Variants in GRIP1 observed in about 807,000 individuals in gnomAD.
GRIP1 encodes glutamate receptor-interacting protein 1.
A neutral mutation model predicts 129.9 loss-of-function variants in GRIP1; 45 were observed. The observed-to-expected ratio is 0.35, with a 90% CI of 0.27 to 0.44. The LOEUF is 0.44. GRIP1 is among the 20% of genes least tolerant of loss of function. The pLI, the probability that GRIP1 is intolerant of heterozygous loss-of-function variation, is 1.00. For synonymous variants in GRIP1, 530 were observed against 520.8 expected (o/e 1.02, Z -0.24); for missense variants, 1,196 against 1,396.8 (o/e 0.86, Z 2.29).
intron 19 of GRIP1, among the ~76,000 whole-genome samples, chr12:66,387,334 T>C (rs1034285994): frequency 2.0e-5 from 3 of 152,208 alleles, no homozygotes; most frequent in African/African-American, 7.2e-5. Context: ...CAGAGAGGAA[T>C]TCTGTTTTGT....
intron 11 of GRIP1, among the ~76,000 whole-genome samples, chr12:66,450,329 A>G (rs865799620): frequency 8.0e-5 from 12 of 149,124 alleles, no homozygotes; most frequent in Admixed American, 2.7e-4. Context: ...AAAAAAAAAA[A>G]AAAAGAAAGA....
At chr12:66,877,579 A>G (rs1384371543) in intron 1 of GRIP1, among the ~76,000 whole-genome samples, 1 of 152,126 alleles carries the variant, frequency 6.6e-6, no homozygotes, top group Admixed American at 6.6e-5. Flanking sequence ...AAAGTTAATT[A>G]CACATTACCT....
At chr12:66,471,928 T>G (rs2059450723) in intron 7 of GRIP1, among the ~76,000 whole-genome samples, 1 of 152,234 alleles carries the variant, frequency 6.6e-6, no homozygotes, top group South Asian at 2.1e-4. Flanking sequence ...TGAATATCTC[T>G]TGGGATCTTT....
At chr12:66,724,276 T>C (rs1290042490) in intron 1 of GRIP1, among the ~76,000 whole-genome samples, 1 of 152,156 alleles carries the variant, frequency 6.6e-6, no homozygotes, top group African/African-American at 2.4e-5. Flanking sequence ...TGAGATACTT[T>C]CATGAGACAG....
At chr12:66,898,100 A>G (rs866595337) in intron 1 of GRIP1, among the ~76,000 whole-genome samples, 1 of 152,176 alleles carries the variant, frequency 6.6e-6, no homozygotes, top group Non-Finnish European at 1.5e-5. Context: ...ATTCCCCAAA[A>G]AATCTACAAA....
intron 15 of GRIP1, chr12:66,407,560 G>C (rs1230818987): frequency 6.6e-6 from 1 of 152,236 alleles, no homozygotes; most frequent in African/African-American, 2.4e-5. Context: ...CAGTGAGGGA[G>C]AGACTGCATT....
intron 1 of GRIP1, among the ~76,000 whole-genome samples, chr12:66,985,051 T>G (rs184893709): frequency 1.3e-5 from 2 of 152,300 alleles, no homozygotes; most frequent in African/African-American, 4.8e-5. Context: ...TGCTGCTAGG[T>G]AGGACCTTGG....
intron 23 of GRIP1, among the ~76,000 whole-genome samples, chr12:66,364,265 C>CAAAAAAAAAAAA (rs1159887365): frequency 9.8e-4 from 16 of 16,322 alleles, no homozygotes; most frequent in East Asian, 2.5e-3. Flanking sequence ...GACTCCATCT[C>CAAAAAAAAAAAA]AAAAAAAAAA....
chr12:66,589,654 A>C (rs1057302883), intron 2 of GRIP1, among the ~76,000 whole-genome samples: 61 of 152,314 alleles, frequency 4.0e-4, no homozygotes, highest in African/African-American at 1.4e-3. Flanking sequence ...AATTACAGAG[A>C]GTAAAGCCTA....
chr12:67,032,039 C>T (rs1293625821), intron 1 of GRIP1, among the ~76,000 whole-genome samples: 3 of 152,144 alleles, frequency 2.0e-5, no homozygotes, highest in African/African-American at 7.2e-5. Context: ...GTTAGGGATA[C>T]ACTTCAGACA....
At position 66,661,476 on chromosome 12, in the gene GRIP1, T is replaced by C. The variant is rs11176364; in HGVS notation, c.55+17374A>G. On this transcript the variant is annotated intron_variant, in intron 1 of 24. Coordinates refer to ENST00000359742, the MANE Select transcript of GRIP1 (RefSeq NM_001366722.1). ...GATTTTGGCAAAAAAAAAAAAAAGGTGGAGGGGAGATGGGAAAAAAAATAA... is the reference window on the plus strand; with the variant it reads ...GATTTTGGCAAAAAAAAAAAAAAGGCGGAGGGGAGATGGGAAAAAAAATAA... Among the ~76,000 whole-genome samples the C allele has an allele frequency of 3.2e-3, 152 of 46,820 alleles. 5 individuals carry two copies. The highest frequency in any genetic ancestry group is 8.7e-3 in the African/African-American group (132 of 15,248). 30.7% of individuals were successfully genotyped at this position (46,820 alleles called of 152,430 possible). A position where few individuals can be genotyped will look rare whatever the true frequency, so the allele number is the denominator to read the frequency against.
At chr12:66,552,106 T>A (rs980709926) in intron 2 of GRIP1, among the ~76,000 whole-genome samples, 15 of 152,314 alleles carry the variant, frequency 9.8e-5, no homozygotes, top group African/African-American at 3.4e-4. Context: ...ATTGCTGAGT[T>A]AGGTCGCTTA....
chr12:66,698,845 T>C (rs2035253765), intron 1 of GRIP1, among the ~76,000 whole-genome samples: 1 of 152,186 alleles, frequency 6.6e-6, no homozygotes, highest in African/African-American at 2.4e-5. Context: ...TAAAGCACAG[T>C]TTCTGGAGTA....
chr12:66,678,017 A>C (rs2034420240), intron 1 of GRIP1, among the ~76,000 whole-genome samples: 1 of 152,108 alleles, frequency 6.6e-6, no homozygotes, highest in Admixed American at 6.6e-5. Flanking sequence ...AATTTTCTCT[A>C]AGGAAGGTTC....
chr12:66,806,095 T>C (rs2038987344), upstream of GRIP1, among the ~76,000 whole-genome samples: 1 of 151,718 alleles, frequency 6.6e-6, no homozygotes, highest in Non-Finnish European at 1.5e-5. Context: ...TAGACCTGAA[T>C]AGTCACTAAA....
chr12:66,754,640 G>A (rs1395142186), intron 1 of GRIP1, among the ~76,000 whole-genome samples: 2 of 152,106 alleles, frequency 1.3e-5, no homozygotes, highest in South Asian at 2.1e-4. Flanking sequence ...CTAAACCACT[G>A]CCCTTTAACA....
chr12:66,526,634 C>A (rs2061250852), intron 5 of GRIP1, among the ~76,000 whole-genome samples: 1 of 151,940 alleles, frequency 6.6e-6, no homozygotes, highest in African/African-American at 2.4e-5. Context: ...GACTTCATGT[C>A]TAAAACACCA....
In GRIP1 at chr12:66,363,199, CCATATATATATATATATATA is replaced by C. The variant is rs2054903536; in HGVS notation, c.3012+8475_3012+8494del. 3.0e-3 allele frequency among the ~76,000 whole-genome samples: 106 copies of C among 35,340 alleles called. 4 individuals carry two copies. Among genetic ancestry groups the C allele is most frequent in the African/African-American group, 8.0e-3 (106 of 13,196 alleles). The allele number at this position is 35,340 out of a possible 152,430, so 23.2% of individuals were successfully genotyped here. On this transcript the variant is annotated intron_variant, in intron 23 of 24. Coordinates refer to ENST00000359742, the MANE Select transcript of GRIP1 (RefSeq NM_001366722.1). The stretch of plus-strand genomic sequence containing the variant: ...TATATGTATATATGTGTGTGTGTGT[CCATATATATATATATATATA>C]TATATATATAAAGTTTCTGTATCTC...
At chr12:67,024,985 C>T (rs1267870746) in intron 1 of GRIP1, among the ~76,000 whole-genome samples, 2 of 152,078 alleles carry the variant, frequency 1.3e-5, no homozygotes, top group Non-Finnish European at 2.9e-5. Context: ...AAAACTTATG[C>T]CAATTTTTGA....
Sources: gnomAD v4.1 joint callset for allele counts (sites outside exome capture counted in the v4.1 genomes callset) on GRCh38, gnomAD v4.1.1 for gene constraint, MANE v1.5 for transcripts, NCBI Gene and HGNC (gene_info 2026-07-23, HGNC 2026-07-21) for gene names.